PSAT1: variants seen among roughly 807,000 people sequenced by gnomAD.
PSAT1 encodes the protein phosphoserine aminotransferase 1, also known as phosphoserine aminotransferase.
PSAT1 carries 41 observed loss-of-function variants against 40.3 expected under a neutral mutation model. The observed-to-expected ratio is 1.02, with a 90% CI of 0.79 to 1.32. The LOEUF is 1.32. Ranked by LOEUF, PSAT1 falls within the 40% of genes most tolerant of loss-of-function variation. The probability of loss-of-function intolerance (pLI) is 0.00; values close to 1 mark genes in which losing one functional copy is unlikely to be tolerated. For synonymous variants in PSAT1, 147 were observed against 170.5 expected, an observed-to-expected ratio of 0.86 and a Z score of 1.07; for missense variants, 406 against 455.8, an observed-to-expected ratio of 0.89 and a Z score of 0.99.
At chr9:78,302,290 G>A (rs1828118195) in intron 3 of PSAT1, among the ~76,000 whole-genome samples, 1 of 152,116 alleles carries the variant, frequency 6.6e-6, no homozygotes, top group Non-Finnish European at 1.5e-5. Context: ...CAGCACTGTG[G>A]CAGTTAAACT....
In PSAT1 at chr9:78,329,070, A is replaced by G. The variant is rs539796298; in HGVS notation, c.1097A>G (p.Glu366Gly). The G allele has an allele frequency of 5.0e-5, 81 of 1,610,872 alleles. 1 individual carries two copies. The South Asian group carries it at 8.0e-4, about 16-fold the overall frequency. Residue 366 changes from glutamate (E) to glycine (G), a missense_variant, in exon 9 of 9, where the codon GAG becomes GGG. Coordinates refer to ENST00000376588, the MANE Select transcript of PSAT1 (RefSeq NM_058179.4). ...KLAAFMKKFL[E>G]MHQL ...GCCGCCTTCATGAAAAAATTTTTGG[A>G]GATGCATCAGCTATGAACACATCCT...
At chr9:78,312,642 G>A (rs1828284634) in intron 6 of PSAT1, among the ~76,000 whole-genome samples, 1 of 152,166 alleles carries the variant, frequency 6.6e-6, no homozygotes, top group Non-Finnish European at 1.5e-5. Flanking sequence ...GTTGCAGTGA[G>A]CCAAGATTGT....
intron 3 of PSAT1, among the ~76,000 whole-genome samples, chr9:78,302,717 A>C (rs559551135): frequency 7.6e-4 from 108 of 141,678 alleles, no homozygotes; most frequent in Non-Finnish European, 1.4e-3. Flanking sequence ...TTAGGTGACA[A>C]AGCGAGACTC....
At chr9:78,316,836 AC>A (rs1828352208) in intron 6 of PSAT1, among the ~76,000 whole-genome samples, 1 of 152,154 alleles carries the variant, frequency 6.6e-6, no homozygotes, top group Non-Finnish European at 1.5e-5. Context: ...GCTGGAAGGC[AC>A]TGTGCTAAGG....
chr9:78,313,814 TA>T (rs919321003), intron 6 of PSAT1, among the ~76,000 whole-genome samples: 3 of 150,012 alleles, frequency 2.0e-5, no homozygotes, highest in African/African-American at 4.9e-5. Flanking sequence ...CTGGCTACAT[TA>T]AAAAAAAAAT....
At chr9:78,304,227 C>T (rs1828147989) in intron 3 of PSAT1, among the ~76,000 whole-genome samples, 1 of 152,200 alleles carries the variant, frequency 6.6e-6, no homozygotes, top group African/African-American at 2.4e-5. Flanking sequence ...TTTCCCCCAT[C>T]TTCTGGCTCT....
intron 7 of PSAT1, among the ~76,000 whole-genome samples, chr9:78,325,786 G>A (rs759401688): frequency 6.6e-6 from 1 of 152,130 alleles, no homozygotes; most frequent in Non-Finnish European, 1.5e-5. Context: ...ATAAATATTT[G>A]TTGCATGACA....
rs1463596418 is a variant in PSAT1, at chr9:78,297,129, ACT to A, written c.-78_-77del. On this transcript the variant is annotated 5_prime_UTR_variant, in exon 1 of 9. Coordinates refer to ENST00000376588, the MANE Select transcript of PSAT1 (RefSeq NM_058179.4). ...GGCGGGGGTTCGGGGCCGGCTGCAGACTCTCACCGCAGCGGCCAGGAACGCCA... is the reference window on the plus strand; with the variant it reads ...GGCGGGGGTTCGGGGCCGGCTGCAGACTCACCGCAGCGGCCAGGAACGCCA... The A allele has an allele frequency of 1.7e-5, 24 of 1,420,804 alleles. 1 individual carries two copies. In the Admixed American group the frequency reaches 1.8e-4, roughly 10 times the overall value. 88.0% of individuals were successfully genotyped at this position (1,420,804 alleles called of 1,614,324 possible). A position where few individuals can be genotyped will look rare whatever the true frequency, so the allele number is the denominator to read the frequency against.
chr9:78,315,825 G>T (rs555281266), intron 6 of PSAT1, among the ~76,000 whole-genome samples: 14 of 152,358 alleles, frequency 9.2e-5, no homozygotes, highest in Middle Eastern at 3.4e-3. Flanking sequence ...CTGGCTGTTA[G>T]AGCATTTTCC....
chr9:78,305,874 T>G (rs1411643326), intron 4 of PSAT1, among the ~76,000 whole-genome samples: 2 of 152,182 alleles, frequency 1.3e-5, no homozygotes, highest in Non-Finnish European at 2.9e-5. Flanking sequence ...TCCCATGCCT[T>G]TTGAAAAAAT....
chr9:78,326,956 T>TATATA (rs1491277712), intron 7 of PSAT1, among the ~76,000 whole-genome samples: 60 of 59,184 alleles, frequency 1.0e-3, no homozygotes, highest in East Asian at 8.2e-3. Context: ...TATATATATA[T>TATATA]TTTTTTTTTT....
chr9:78,323,308 T>A (rs1828454633), intron 7 of PSAT1, among the ~76,000 whole-genome samples: 1 of 152,192 alleles, frequency 6.6e-6, no homozygotes, highest in African/African-American at 2.4e-5. Context: ...CAGTGGCTGA[T>A]GCTTGTAATC....
Position 78,328,117 on chromosome 9 carries a change from A to AGAT in PSAT1, c.941_943dup (p.Asp314dup), listed in dbSNP as rs1282647154. Reference sequence around the variant, plus strand: ...CATTCCGCATTGGCAATGCCAAAGGAGATGATGCTTTAGAAAAAAGATTTC... The same window carrying AGAT: ...CATTCCGCATTGGCAATGCCAAAGGAGATGATGATGCTTTAGAAAAAAGATTTC... On this transcript the variant is annotated inframe_insertion, in exon 8 of 9. Coordinates refer to ENST00000376588, the MANE Select transcript of PSAT1 (RefSeq NM_058179.4). 1.9e-6 allele frequency: 3 copies of AGAT among 1,612,592 alleles called. No individual in the cohort carries two copies.
At chr9:78,324,196 G>C (rs1395915990) in intron 7 of PSAT1, among the ~76,000 whole-genome samples, 2 of 152,142 alleles carry the variant, frequency 1.3e-5, no homozygotes, top group African/African-American at 2.4e-5. Context: ...ACCTCCTGGG[G>C]TTCCTCATTT....
At chr9:78,319,807 GA>G (rs760237062) in intron 7 of PSAT1, among the ~76,000 whole-genome samples, 2 of 152,214 alleles carry the variant, frequency 1.3e-5, no homozygotes, top group African/African-American at 2.4e-5. Context: ...ACTGAGGGAA[GA>G]GTGTACAGTG....
In PSAT1 at chr9:78,308,527, G is replaced by A. The variant is rs755134364; in HGVS notation, c.684G>A (p.Leu228=). Residue 228 remains leucine (L), a synonymous_variant, in exon 6 of 9, where the codon CTG becomes CTA. Transcript: ENST00000376588. ...CCCTCCGAGAGTGCCCCTCGGTCCT[G>A]GAATACAAGGTGCAGGCTGGAAACA... The part of the protein sequence containing the change: ...GFALRECPSV[L]EYKVQAGNSS... 2.5e-6 allele frequency: 4 copies of A among 1,613,820 alleles called. No homozygotes were observed. The highest frequency in any genetic ancestry group is 2.2e-5 in the South Asian group (2 of 91,040).
chr9:78,300,035 A>C (rs940764917), intron 1 of PSAT1, among the ~76,000 whole-genome samples: 6 of 152,072 alleles, frequency 3.9e-5, no homozygotes, highest in African/African-American at 1.4e-4. Context: ...CCTCACATAC[A>C]CAAAGATAAA....
intron 7 of PSAT1, among the ~76,000 whole-genome samples, chr9:78,323,236 C>G (rs1828453541): frequency 6.6e-6 from 1 of 152,056 alleles, no homozygotes; most frequent in Non-Finnish European, 1.5e-5. Context: ...CCAAAAGGAG[C>G]AAGAGCAAGT....
intron 7 of PSAT1, 129 bp downstream of exon 7, chr9:78,317,933 G>A: frequency 8.5e-7 from 1 of 1,172,694 alleles, no homozygotes; most frequent in Non-Finnish European, 1.3e-6. Flanking sequence ...AGTGTGTGTG[G>A]TCCTGGGCCC....
Sources: gnomAD v4.1 joint callset for allele counts (sites outside exome capture counted in the v4.1 genomes callset) on GRCh38, gnomAD v4.1.1 for gene constraint, MANE v1.5 for transcripts, NCBI Gene and HGNC (gene_info 2026-07-23, HGNC 2026-07-21) for gene names.